RELN: variants seen among roughly 807,000 people sequenced by gnomAD.
The protein encoded by RELN is reelin.
A neutral mutation model predicts 427.6 loss-of-function variants in RELN; 108 were observed. The ratio of observed to expected loss-of-function variants is 0.25; its 90% CI spans 0.22 to 0.30. RELN has a LOEUF of 0.30. RELN is among the 10% of genes least tolerant of loss of function. RELN has a pLI of 1.00. For synonymous variants in RELN, 1,524 were observed against 1,513.4 expected (o/e 1.01, Z -0.16); for missense variants, 3,715 against 4,302.8 (o/e 0.86, Z 3.82).
chr7:103,475,876 C>T (rs1446701138), intron 64 of RELN, among the ~76,000 whole-genome samples: 1 of 150,334 alleles, frequency 6.7e-6, no homozygotes, highest in Non-Finnish European at 1.5e-5. Flanking sequence ...ACTGGATGTT[C>T]TTTTTTTAAA....
chr7:103,977,236 A>G (rs1449511188), intron 1 of RELN, among the ~76,000 whole-genome samples: 1 of 146,028 alleles, frequency 6.8e-6, no homozygotes, highest in Non-Finnish European at 1.5e-5. Context: ...GCTTGAGCCC[A>G]GGAGGTGGAG....
chr7:103,672,300 T>G (rs1190651871), intron 11 of RELN, among the ~76,000 whole-genome samples: 1 of 152,106 alleles, frequency 6.6e-6, no homozygotes, highest in African/African-American at 2.4e-5. Flanking sequence ...GGACAGTTAC[T>G]ATGGGGCTGG....
At chr7:103,955,172 G>A (rs1796408496) in intron 1 of RELN, among the ~76,000 whole-genome samples, 1 of 152,096 alleles carries the variant, frequency 6.6e-6, no homozygotes, top group African/African-American at 2.4e-5. Flanking sequence ...AAGAAGCCAG[G>A]GATCCAGTCT....
chr7:103,656,724 A>T (rs1005914755), intron 12 of RELN, among the ~76,000 whole-genome samples: 2 of 152,064 alleles, frequency 1.3e-5, no homozygotes, highest in Admixed American at 1.3e-4. Context: ...TTGGTACTGT[A>T]TGGATCAGGG....
At chr7:103,894,640 G>T (rs1794920725) in intron 2 of RELN, among the ~76,000 whole-genome samples, 1 of 151,990 alleles carries the variant, frequency 6.6e-6, no homozygotes, top group Non-Finnish European at 1.5e-5. Context: ...TCTTCTTTGT[G>T]AATCTCCAGT....
chr7:103,686,427 T>C (rs1248491622), intron 10 of RELN, among the ~76,000 whole-genome samples: 3 of 152,182 alleles, frequency 2.0e-5, no homozygotes, highest in Non-Finnish European at 4.4e-5. Flanking sequence ...TTTTAATGAC[T>C]GTAATATTTT....
intron 2 of RELN, among the ~76,000 whole-genome samples, chr7:103,855,209 C>T (rs1001897984): frequency 6.6e-5 from 10 of 152,258 alleles, no homozygotes; most frequent in South Asian, 4.1e-4. Context: ...ATGCTTGAAG[C>T]GGAAAAGTGC....
In RELN at chr7:103,489,885, C is replaced by T. The variant is rs992226248; in HGVS notation, c.9620G>A (p.Arg3207His). 10 of 1,614,098 alleles carry T rather than the reference C, an allele frequency of 6.2e-6. No individual in the cohort carries two copies. The highest frequency in any genetic ancestry group is 1.3e-5 in the African/African-American group (1 of 75,026). ...DHVSSSATQF[R>H]WIQKGEETEK... ...AGTTTCTTCTCCCTTCTGGATCCAGCGGAACTGTGTTGCACTGAAAGAACC... is the reference window on the plus strand; with the variant it reads ...AGTTTCTTCTCCCTTCTGGATCCAGTGGAACTGTGTTGCACTGAAAGAACC... Residue 3207 changes from arginine to histidine, a missense_variant, in exon 60 of 65, where the codon CGC (arginine) becomes CAC (histidine). This residue lies in a region of RELN where 1,310 missense variants were observed against 1,643.0 expected (regional missense o/e 0.80). Transcript: ENST00000428762.
rs1444389487 is a variant in RELN at position 103,862,455 on chromosome 7, CTATCTAT to C, written c.338-28790_338-28784del. Among the ~76,000 whole-genome samples, 32 of 148,802 alleles carry C rather than the reference CTATCTAT, an allele frequency of 2.2e-4. No homozygotes were observed. In the East Asian group the frequency reaches 6.0e-3, roughly 28 times the overall value. ...TCTATCTATCTATCTATCTATCTAT[CTATCTAT>C]CTATCTTCTCAATCTTTCTCCCTCT... On this transcript the variant is annotated intron_variant, in intron 2 of 64. Coordinates refer to ENST00000428762, the MANE Select transcript of RELN (RefSeq NM_005045.4).
chr7:103,951,664 G>A (rs1452263350), intron 1 of RELN, among the ~76,000 whole-genome samples: 1 of 143,162 alleles, frequency 7.0e-6, no homozygotes, highest in African/African-American at 2.7e-5. Flanking sequence ...ATTTAGCTCC[G>A]ACATTGCTAG....
intron 6 of RELN, among the ~76,000 whole-genome samples, chr7:103,733,796 G>T (rs566521824): frequency 4.0e-5 from 6 of 151,076 alleles, no homozygotes; most frequent in South Asian, 2.1e-4. Flanking sequence ...GTTGTGGGGT[G>T]GGGGGAGTGG....
chr7:103,566,691 A>G lies in RELN; in HGVS notation c.4657T>C (p.Ser1553Pro), dbSNP rs1830760530. ...GAAATGATCTGTGGTTCCAGGAAGG[A>G]CATGAAGTCCAACTCTCGAAGCAAA... is the stretch of plus-strand genomic sequence containing the variant. Reference protein sequence around the residue: ...WHLLRELDFMSFLEPQIISID... With the variant: ...WHLLRELDFMPFLEPQIISID... Residue 1553 changes from serine (S) to proline (P), a missense_variant, in exon 32 of 65, where the codon TCC becomes CCC. Ser to Pro is a moderately conservative substitution (Grantham distance 74). Coordinates refer to ENST00000428762, the MANE Select transcript of RELN (RefSeq NM_005045.4). The G allele has an allele frequency of 6.2e-7, 1 of 1,614,142 alleles. No homozygotes were observed. Among genetic ancestry groups the G allele is most frequent in the African/African-American group, 1.3e-5 (1 of 75,060 alleles).
chr7:103,880,306 T>C (rs1794577392), intron 2 of RELN, among the ~76,000 whole-genome samples: 1 of 152,152 alleles, frequency 6.6e-6, no homozygotes, highest in African/African-American at 2.4e-5. Flanking sequence ...GAATAGAATT[T>C]TATAAATGCA....
chr7:103,640,235 C>T lies in RELN; in HGVS notation c.2069+308G>A, dbSNP rs1832669676. Among the ~76,000 whole-genome samples, 1 of 151,982 alleles carries T rather than the reference C, an allele frequency of 6.6e-6. No homozygotes were observed. Among genetic ancestry groups the T allele is most frequent in the South Asian group, 2.1e-4 (1 of 4,826 alleles). On this transcript the variant is annotated intron_variant, in intron 17 of 64. Transcript: ENST00000428762. This position sits in a 1 kb window ranked among gnomAD's most constrained non-coding sequence, Gnocchi z 4.1. ...AATTACAATGTGACTCATGAACACC[C>T]GAACAAGTTTATGGAAAAGGATGTA...
At position 103,612,364 on chromosome 7, in the gene RELN, C is replaced by A. The variant is rs563858258; in HGVS notation, c.2703-561G>T. ...GATCTTGGCTCACCGCAACCTCCGCCCCCCTGGTTCAAGTGATTCTCCTGC... is the reference window on the plus strand; with the variant it reads ...GATCTTGGCTCACCGCAACCTCCGCACCCCTGGTTCAAGTGATTCTCCTGC... On this transcript the variant is annotated intron_variant, in intron 20 of 64. Transcript: ENST00000428762. Among the ~76,000 whole-genome samples the A allele has an allele frequency of 1.3e-4, 19 of 151,726 alleles. No homozygotes were observed. The South Asian group carries it at 3.8e-3, about 30-fold the overall frequency.
intron 13 of RELN, among the ~76,000 whole-genome samples, chr7:103,653,519 G>A (rs1470357143): frequency 6.6e-6 from 1 of 151,984 alleles, no homozygotes; most frequent in Non-Finnish European, 1.5e-5. Context: ...ATGTGGGTGT[G>A]GCCTCAGCAC....
In RELN at chr7:103,491,876, ACACACACACACACACACAC is replaced by A. The variant is rs1562848633; in HGVS notation, c.9443+58_9443+76del. On this transcript the variant is annotated intron_variant, in intron 58 of 64. Coordinates refer to ENST00000428762, the MANE Select transcript of RELN (RefSeq NM_005045.4). ...CTCTCTCACACACACACACACACAC[ACACACACACACACACACAC>A]AACGATTTGGATGGGGTATTCAAGT... is the stretch of plus-strand genomic sequence containing the variant. 8.7e-5 allele frequency: 64 copies of A among 735,228 alleles called. No homozygotes were observed. The African/African-American group carries it at 9.5e-4, about 11-fold the overall frequency. The allele number at this position is 735,228 out of a possible 1,614,324, so 45.5% of individuals were successfully genotyped here.
At chr7:103,559,383 A>C (rs1830592652) in intron 36 of RELN, among the ~76,000 whole-genome samples, 1 of 152,218 alleles carries the variant, frequency 6.6e-6, no homozygotes, top group Non-Finnish European at 1.5e-5. Context: ...ATAACTTCAC[A>C]AAGCATAGAT....
At chr7:103,947,616 G>GA (rs2116754127) in intron 1 of RELN, among the ~76,000 whole-genome samples, 1 of 152,298 alleles carries the variant, frequency 6.6e-6, no homozygotes, top group Non-Finnish European at 1.5e-5. Context: ...CTAGAGCTGT[G>GA]AGACAATAAA....
Sources: allele counts gnomAD v4.1 joint callset (sites outside exome capture counted in the v4.1 genomes callset), GRCh38; gene constraint gnomAD v4.1.1; regional missense constraint gnomAD v4.1.1; non-coding constraint Gnocchi (gnomAD v3.1); transcripts MANE v1.5; gene names NCBI Gene and HGNC (gene_info 2026-07-23, HGNC 2026-07-21).